The following MS4A15 variants were observed in gnomAD, a reference collection of about 807,000 sequenced individuals.
MS4A15 encodes membrane spanning 4-domains A15.
Under a neutral mutation model 20.6 loss-of-function variants are expected in MS4A15, and 22 were observed. That is an observed-to-expected ratio of 1.07 (90% CI 0.76 to 1.52). MS4A15 has a LOEUF of 1.52. MS4A15 is among the 40% of genes most tolerant of loss of function. The pLI, the probability that MS4A15 is intolerant of heterozygous loss-of-function variation, is 0.00. For missense variants in MS4A15, 312 were observed against 323.0 expected (o/e 0.97, Z 0.26); for synonymous variants, 129 against 129.3 (o/e 1.00, Z 0.02).
chr11:60,762,091 A>G (rs566665878), intron 1 of MS4A15, among the ~76,000 whole-genome samples: 51 of 152,364 alleles, frequency 3.3e-4, no homozygotes, highest in African/African-American at 1.2e-3. Flanking sequence ...TTGCTTTTTT[A>G]GTCTCAGCTA....
At position 60,771,225 on chromosome 11, in the gene MS4A15, C is replaced by G; in HGVS notation, c.349-66C>G. On this transcript the variant is annotated intron_variant, in intron 3 of 6. Transcript: ENST00000405633. ...TCTCCCTGGCACCTCTTGACAGATC[C>G]CAAGCAGGGTCTGCCCTGCCCAGGG... 4 of 1,586,448 alleles carry G rather than the reference C, an allele frequency of 2.5e-6. No homozygotes were observed. In the South Asian group the frequency reaches 4.5e-5, roughly 18 times the overall value.
intron 5 of MS4A15, 100 bp downstream of exon 5, chr11:60,773,584 G>A: frequency 9.3e-7 from 1 of 1,077,788 alleles, no homozygotes; most frequent in East Asian, 2.4e-5. Flanking sequence ...CAGGACGTTG[G>A]CAGGGCCTGC....
chr11:60,766,580 C>T (rs1259939254), intron 2 of MS4A15, among the ~76,000 whole-genome samples: 1 of 152,068 alleles, frequency 6.6e-6, no homozygotes, highest in African/African-American at 2.4e-5. Context: ...GCAACGCTGG[C>T]GACTTGGACA....
chr11:60,771,428 A>G, intron 4 of MS4A15, 81 bp downstream of exon 4: 1 of 1,587,294 alleles, frequency 6.3e-7, no homozygotes, highest in African/African-American at 1.3e-5. Context: ...CCATCCACTC[A>G]CTCCTTCAGC....
intron 5 of MS4A15, 90 bp downstream of exon 5, chr11:60,773,574 C>A: frequency 8.1e-7 from 1 of 1,236,450 alleles, no homozygotes; most frequent in Non-Finnish European, 1.2e-6. Context: ...TTTGCAGCGC[C>A]AGGACGTTGG....
chr11:60,771,193 T>C (rs1293378066), intron 3 of MS4A15, 98 bp from the exon 4 acceptor site: 2 of 1,396,812 alleles, frequency 1.4e-6, no homozygotes, highest in African/African-American at 1.4e-5. Context: ...ATCAGGAGGC[T>C]GTTGTCTCTC....
intron 2 of MS4A15, 57 bp from the exon 3 acceptor site, chr11:60,767,476 C>G (rs372515019): frequency 1.4e-6 from 2 of 1,416,062 alleles, no homozygotes; most frequent in African/African-American, 1.5e-5. Flanking sequence ...TCCGCGGGGC[C>G]GGCAGGGGGC....
chr11:60,773,408 G>C lies in MS4A15; in HGVS notation c.422G>C (p.Gly141Ala), dbSNP rs1854093363. 1 of 1,612,994 alleles carries C rather than the reference G, an allele frequency of 6.2e-7. No homozygotes were observed. The highest frequency in any genetic ancestry group is 1.1e-5 in the South Asian group (1 of 90,880). The change falls in exon 5 of 7, where the codon GGC becomes GCC. Residue 141 changes from glycine to alanine, a missense_variant. Gly to Ala is a moderately conservative substitution (Grantham distance 60, BLOSUM62 0). Coordinates refer to ENST00000405633, the MANE Select transcript of MS4A15 (RefSeq NM_001098835.2). ...TCTCTGCAGGTGAGGAGCAGCCTGG[G>C]CACCAACATCCTCAGCGTCATGGCG... The part of the protein sequence containing the change: ...HTSCLVRSSL[G>A]TNILSVMAAF...
In MS4A15 at chr11:60,763,716, C is replaced by G. The variant is rs1260626460; in HGVS notation, c.-18C>G. On this transcript the variant is annotated 5_prime_UTR_variant, in exon 2 of 7. Transcript: ENST00000405633. The stretch of plus-strand genomic sequence containing the variant: ...TTATTATCTCCCAAGCCTTTGTTTC[C>G]CAGGCTCTCTGAGCACGATGTCTGC... 1 of 1,611,060 alleles carries G rather than the reference C, an allele frequency of 6.2e-7. No individual in the cohort carries two copies. The highest frequency in any genetic ancestry group is 2.2e-5 in the East Asian group (1 of 44,890).
At chr11:60,764,801 C>T (rs764856627) in intron 2 of MS4A15, among the ~76,000 whole-genome samples, 4 of 151,902 alleles carry the variant, frequency 2.6e-5, no homozygotes, top group Non-Finnish European at 2.9e-5. Context: ...CCCAGCTACT[C>T]GGGAGGCTGA....
intron 3 of MS4A15, among the ~76,000 whole-genome samples, chr11:60,769,594 G>A (rs2134720528): frequency 6.6e-6 from 1 of 152,218 alleles, no homozygotes; most frequent in African/African-American, 2.4e-5. Context: ...TCCGCTTGAT[G>A]CTGAAAAGGC....
At chr11:60,770,812 C>T (rs10897112) in intron 3 of MS4A15, among the ~76,000 whole-genome samples, 148,836 of 151,742 alleles carry the variant, frequency 0.98, 73,056 homozygotes, top group Middle Eastern at 1. Context: ...TTCAAGTGAT[C>T]CTTGCTCCTT....
At chr11:60,773,107 C>A (rs1854083005) in intron 4 of MS4A15, among the ~76,000 whole-genome samples, 1 of 152,192 alleles carries the variant, frequency 6.6e-6, no homozygotes, top group Non-Finnish European at 1.5e-5. Context: ...GCTGCAAACT[C>A]CACCCAGAAA....
At chr11:60,759,889 T>C (rs1341548277) in intron 1 of MS4A15, among the ~76,000 whole-genome samples, 1 of 152,150 alleles carries the variant, frequency 6.6e-6, no homozygotes, top group East Asian at 1.9e-4. Context: ...CACCCTGTTC[T>C]TCTGCCGCAC....
chr11:60,772,201 G>A (rs549326452), intron 4 of MS4A15, among the ~76,000 whole-genome samples: 1 of 152,316 alleles, frequency 6.6e-6, no homozygotes, highest in African/African-American at 2.4e-5. Flanking sequence ...CAGGGGACCA[G>A]AGTGCTGGAC....
chr11:60,767,575 A>C lies in MS4A15; in HGVS notation c.268A>C (p.Ser90Arg). Residue 90 changes from serine to arginine, a missense_variant, in exon 3 of 7, where the codon AGC becomes CGC. Ser to Arg is a moderately radical substitution (Grantham distance 110). Coordinates refer to ENST00000405633, the MANE Select transcript of MS4A15 (RefSeq NM_001098835.2). ...LIGLIHLGFG[S>R]VLLMVRRGHV... is the part of the protein sequence containing the mutation. Reference sequence around the variant, plus strand: ...CGGCCTCATCCACCTAGGCTTTGGCAGCGTGCTGCTCATGGTTCGCCGCGG... The same window carrying C: ...CGGCCTCATCCACCTAGGCTTTGGCCGCGTGCTGCTCATGGTTCGCCGCGG... 2 of 1,554,448 alleles carry C rather than the reference A, an allele frequency of 1.3e-6. No homozygotes were observed. Among genetic ancestry groups the C allele is most frequent in the Non-Finnish European group, 1.7e-6 (2 of 1,148,326 alleles).
At chr11:60,772,377 G>A (rs1854065956) in intron 4 of MS4A15, among the ~76,000 whole-genome samples, 1 of 152,152 alleles carries the variant, frequency 6.6e-6, no homozygotes, top group Non-Finnish European at 1.5e-5. Context: ...GTGCTGGGCA[G>A]AGAATGGGTT....
At chr11:60,774,558 C>T (rs1176840183) in intron 6 of MS4A15, among the ~76,000 whole-genome samples, 1 of 152,242 alleles carries the variant, frequency 6.6e-6, no homozygotes, top group Non-Finnish European at 1.5e-5. Flanking sequence ...AAGGCCCAGG[C>T]TCAGGGCATG....
Position 60,775,639 on chromosome 11 carries a change from A to G in MS4A15, c.647A>G (p.Asp216Gly). The G allele has an allele frequency of 6.2e-7, 1 of 1,613,968 alleles. No individual in the cohort carries two copies. The highest frequency in any genetic ancestry group is 1.1e-5 in the South Asian group (1 of 91,072). The change falls in exon 7 of 7, where the codon GAC becomes GGC. Residue 216 changes from aspartate (D) to glycine (G), a missense_variant. Asp to Gly is a moderately conservative substitution (Grantham distance 94). Coordinates refer to ENST00000405633, the MANE Select transcript of MS4A15 (RefSeq NM_001098835.2). ...TTCCTGCCAAACGCCTTCAGCGCAG[A>G]CTTCAACATCCCCAGCCCGGCAGCC... The part of the protein sequence containing the change: ...VIFLPNAFSA[D>G]FNIPSPAASA...
Sources: allele counts gnomAD v4.1 joint callset (sites outside exome capture counted in the v4.1 genomes callset), GRCh38; gene constraint gnomAD v4.1.1; transcripts MANE v1.5; gene names NCBI Gene and HGNC (gene_info 2026-07-23, HGNC 2026-07-21).